KCNIP4: variants seen among roughly 807,000 people sequenced by gnomAD.
KCNIP4 encodes the protein Kv channel-interacting protein 4.
Under a neutral mutation model 34.0 loss-of-function variants are expected in KCNIP4, and 12 were observed. That is an observed-to-expected ratio of 0.35 (90% CI 0.23 to 0.57). The LOEUF (loss-of-function observed/expected upper bound fraction) is 0.57, where lower values mean the gene tolerates loss of function less well. Ranked by LOEUF, KCNIP4 falls within the 20% of genes least tolerant of loss-of-function variation. The pLI, the probability that KCNIP4 is intolerant of heterozygous loss-of-function variation, is 0.83. For synonymous variants in KCNIP4, 124 were observed against 102.2 expected (o/e 1.21, Z -1.29); for missense variants, 238 against 311.7 (o/e 0.76, Z 1.78).
intron 1 of KCNIP4, among the ~76,000 whole-genome samples, chr4:21,750,864 G>T (rs1387885807): frequency 1.3e-5 from 2 of 152,094 alleles, no homozygotes; most frequent in Non-Finnish European, 2.9e-5. Flanking sequence ...TTCAGCCCTG[G>T]CCCCAAACAC....
At chr4:21,456,842 G>T (rs1187228085) in intron 1 of KCNIP4, among the ~76,000 whole-genome samples, 1 of 152,016 alleles carries the variant, frequency 6.6e-6, no homozygotes, top group Non-Finnish European at 1.5e-5. Flanking sequence ...AGATTAGGGT[G>T]CTCTGCATGA....
At chr4:20,999,444 T>TG (rs1560634301) in intron 1 of KCNIP4, among the ~76,000 whole-genome samples, 4 of 115,556 alleles carry the variant, frequency 3.5e-5, no homozygotes, top group Admixed American at 9.9e-5. Context: ...TTTTGTTTTT[T>TG]TTTTTTTTTT....
intron 1 of KCNIP4, among the ~76,000 whole-genome samples, chr4:21,278,284 C>T (rs6837201): frequency 0.099 from 15,101 of 152,036 alleles, 1,599 homozygotes; most frequent in African/African-American, 0.26. Context: ...GAGTTTGTTG[C>T]ACAGATTTTT....
At chr4:21,782,146 A>G (rs1352879942) in intron 1 of KCNIP4, among the ~76,000 whole-genome samples, 1 of 152,214 alleles carries the variant, frequency 6.6e-6, no homozygotes, top group East Asian at 1.9e-4. Context: ...TACACCAAGT[A>G]AAAGAGACTG....
intron 1 of KCNIP4, among the ~76,000 whole-genome samples, chr4:21,754,759 T>C (rs1717391235): frequency 1.3e-5 from 2 of 152,134 alleles, no homozygotes. Context: ...CTAAACAACA[T>C]ATAAAGATAA....
Position 20,729,617 on chromosome 4 carries a change from A to G in KCNIP4, c.*465T>C, listed in dbSNP as rs745455219. ...TGTTTCCTTAAAGTATATAAATGGA[A>G]TTTAAATGGAATTACAGCATTCAAA... On this transcript the variant is annotated 3_prime_UTR_variant, in exon 9 of 9. Transcript: ENST00000382152. 2 of 69,798 alleles carry G rather than the reference A, an allele frequency of 2.9e-5. No homozygotes were observed. The highest frequency in any genetic ancestry group is 6.1e-5 in the Non-Finnish European group (2 of 32,702). The allele number at this position is 69,798 out of a possible 1,614,324, so 4.3% of individuals were successfully genotyped here.
chr4:21,105,435 C>T (rs1186028930), intron 1 of KCNIP4, among the ~76,000 whole-genome samples: 1 of 151,582 alleles, frequency 6.6e-6, no homozygotes, highest in Non-Finnish European at 1.5e-5. Context: ...GTGATTTTTG[C>T]ACATCAATTT....
At chr4:21,714,365 C>T (rs1175185833) in intron 1 of KCNIP4, among the ~76,000 whole-genome samples, 3 of 151,932 alleles carry the variant, frequency 2.0e-5, no homozygotes, top group Non-Finnish European at 4.4e-5. Flanking sequence ...GAGAAGGCCA[C>T]AGCAGTCAGT....
intron 1 of KCNIP4, among the ~76,000 whole-genome samples, chr4:21,259,296 A>G (rs1331942052): frequency 6.6e-6 from 1 of 152,198 alleles, no homozygotes; most frequent in African/African-American, 2.4e-5. Flanking sequence ...CAATGAGAAG[A>G]CTGGCCTAGT....
At chr4:21,757,327 C>T (rs1201612481) in intron 1 of KCNIP4, among the ~76,000 whole-genome samples, 1 of 151,882 alleles carries the variant, frequency 6.6e-6, no homozygotes, top group South Asian at 2.1e-4. Flanking sequence ...AAGAAACTAT[C>T]ATAAAATCAT....
intron 1 of KCNIP4, among the ~76,000 whole-genome samples, chr4:21,819,093 C>G (rs535030281): frequency 6.6e-6 from 1 of 152,288 alleles, no homozygotes; most frequent in East Asian, 1.9e-4. Flanking sequence ...AAGTTTCAAA[C>G]AGAGTCTTTC....
intron 1 of KCNIP4, among the ~76,000 whole-genome samples, chr4:21,059,550 A>C (rs1577615171): frequency 6.6e-6 from 1 of 152,032 alleles, no homozygotes; most frequent in Non-Finnish European, 1.5e-5. Context: ...AGAAGGAGAG[A>C]GTTGGGGACC....
At chr4:21,785,267 T>A (rs2109221264) in intron 1 of KCNIP4, among the ~76,000 whole-genome samples, 1 of 134,008 alleles carries the variant, frequency 7.5e-6, no homozygotes, top group Non-Finnish European at 1.6e-5. Context: ...CTATCACAAT[T>A]AATTTTAGAA....
At chr4:21,592,665 A>G (rs1289304467) in intron 1 of KCNIP4, among the ~76,000 whole-genome samples, 1 of 152,156 alleles carries the variant, frequency 6.6e-6, no homozygotes, top group Non-Finnish European at 1.5e-5. Context: ...CGTGCTTATA[A>G]GAAAGCTGCA....
At chr4:21,466,925 C>T (rs10001870) in intron 1 of KCNIP4, among the ~76,000 whole-genome samples, 1,764 of 152,058 alleles carry the variant, frequency 0.012, 42 homozygotes, top group African/African-American at 0.04. Flanking sequence ...TTGTATTTAC[C>T]ATCCTACACT....
At chr4:20,946,500 C>T (rs1358009394) in intron 1 of KCNIP4, among the ~76,000 whole-genome samples, 1 of 152,166 alleles carries the variant, frequency 6.6e-6, no homozygotes. Context: ...GGAATGCGGA[C>T]ACCTGTCTGA....
intron 1 of KCNIP4, among the ~76,000 whole-genome samples, chr4:21,611,350 GC>G (rs1744142980): frequency 6.6e-6 from 1 of 152,076 alleles, no homozygotes; most frequent in African/African-American, 2.4e-5. Context: ...AGGGAGAAGA[GC>G]CCCTTATAAA....
chr4:21,535,719 T>C (rs981939712), intron 1 of KCNIP4, among the ~76,000 whole-genome samples: 2 of 152,212 alleles, frequency 1.3e-5, no homozygotes, highest in African/African-American at 4.8e-5. Context: ...TGAAATGTGC[T>C]CCATAGTTTA....
intron 1 of KCNIP4, among the ~76,000 whole-genome samples, chr4:21,662,038 G>T (rs1160271151): frequency 6.6e-6 from 1 of 152,160 alleles, no homozygotes; most frequent in Non-Finnish European, 1.5e-5. Context: ...TGAGTCCAAA[G>T]TGCCTTTTCA....
Sources: gnomAD v4.1 joint callset for allele counts (sites outside exome capture counted in the v4.1 genomes callset) on GRCh38, gnomAD v4.1.1 for gene constraint, MANE v1.5 for transcripts, NCBI Gene and HGNC (gene_info 2026-07-23, HGNC 2026-07-21) for gene names.